PLPPR1: variants seen among roughly 807,000 people sequenced by gnomAD.
The protein encoded by PLPPR1 is phospholipid phosphatase-related protein type 1.
PLPPR1 carries 10 observed loss-of-function variants against 33.1 expected under a neutral mutation model. The ratio of observed to expected loss-of-function variants is 0.30; its 90% CI spans 0.19 to 0.51. The LOEUF (loss-of-function observed/expected upper bound fraction) is 0.51. PLPPR1 is among the 20% of genes least tolerant of loss of function. PLPPR1 has a pLI of 0.97. For missense variants in PLPPR1, 304 were observed against 408.1 expected, an observed-to-expected ratio of 0.74 and a Z score of 2.20; for synonymous variants, 151 against 151.0, an observed-to-expected ratio of 1.00 and a Z score of 0.00.
intron 3 of PLPPR1, among the ~76,000 whole-genome samples, chr9:101,276,668 G>A (rs1050386586): frequency 6.6e-6 from 1 of 152,086 alleles, no homozygotes; most frequent in Non-Finnish European, 1.5e-5. Flanking sequence ...TGTATTCACT[G>A]TTCAGATAAA....
chr9:101,313,146 C>T (rs1171942794), intron 6 of PLPPR1, among the ~76,000 whole-genome samples, 172 bp downstream of exon 6: 2 of 152,152 alleles, frequency 1.3e-5, no homozygotes, highest in African/African-American at 2.4e-5. Context: ...TCAAAACACT[C>T]TTTCCTTTCA....
At chr9:101,123,881 A>G (rs960199190) in intron 1 of PLPPR1, among the ~76,000 whole-genome samples, 12 of 152,132 alleles carry the variant, frequency 7.9e-5, no homozygotes, top group African/African-American at 2.7e-4. Context: ...CCTTTAGCAC[A>G]GAGCTTGGTG....
chr9:101,035,197 G>A (rs1172769367), intron 1 of PLPPR1, among the ~76,000 whole-genome samples: 1 of 152,120 alleles, frequency 6.6e-6, no homozygotes, highest in East Asian at 1.9e-4. Context: ...CATTCCGTAG[G>A]AAATTAAATG....
intron 3 of PLPPR1, among the ~76,000 whole-genome samples, chr9:101,272,635 A>G (rs1383764761): frequency 6.6e-6 from 1 of 152,194 alleles, no homozygotes; most frequent in Non-Finnish European, 1.5e-5. Context: ...ATGAGAGAGG[A>G]CAAGAATAGA....
At chr9:101,300,356 ATTT>A (rs1444496427) in intron 4 of PLPPR1, among the ~76,000 whole-genome samples, 4 of 151,888 alleles carry the variant, frequency 2.6e-5, no homozygotes, top group Non-Finnish European at 5.9e-5. Context: ...AATTATTATT[ATTT>A]GCAGAGACAG....
chr9:101,303,958 G>C (rs1002388338), intron 4 of PLPPR1, among the ~76,000 whole-genome samples: 1 of 152,148 alleles, frequency 6.6e-6, no homozygotes, highest in African/African-American at 2.4e-5. Context: ...ATCATGACTT[G>C]AGTTTCTTGT....
At chr9:101,180,680 C>G (rs1826095461) in intron 1 of PLPPR1, among the ~76,000 whole-genome samples, 1 of 151,576 alleles carries the variant, frequency 6.6e-6, no homozygotes, top group South Asian at 2.1e-4. Context: ...AAAACTGGAT[C>G]TACACAAGCA....
intron 1 of PLPPR1, among the ~76,000 whole-genome samples, chr9:101,150,006 ATTTC>A (rs942011589): frequency 1.3e-5 from 2 of 151,822 alleles, no homozygotes; most frequent in African/African-American, 4.8e-5. Context: ...GTTTTATGTC[ATTTC>A]TTTAAGCCTC....
At chr9:101,314,735 C>G (rs1268990352) in intron 6 of PLPPR1, among the ~76,000 whole-genome samples, 1 of 137,920 alleles carries the variant, frequency 7.3e-6, no homozygotes, top group Non-Finnish European at 1.5e-5. Flanking sequence ...ACAGTGTTGT[C>G]AAAAAGCTTC....
chr9:101,113,624 GAAAAAAC>G (rs1564148497), intron 1 of PLPPR1, among the ~76,000 whole-genome samples: 12 of 150,928 alleles, frequency 8.0e-5, no homozygotes, highest in Middle Eastern at 6.8e-3. Context: ...AGAAAGAACA[GAAAAAAC>G]AAAAAAACAA....
chr9:101,124,386 A>G (rs1354061724), intron 1 of PLPPR1, among the ~76,000 whole-genome samples: 1 of 152,160 alleles, frequency 6.6e-6, no homozygotes, highest in African/African-American at 2.4e-5. Flanking sequence ...GTCAGAAAGC[A>G]TTGGTCCATT....
chr9:101,127,493 G>A (rs1431583713), intron 1 of PLPPR1, among the ~76,000 whole-genome samples: 2 of 152,216 alleles, frequency 1.3e-5, no homozygotes, highest in Non-Finnish European at 2.9e-5. Context: ...AAGGCACATT[G>A]CATTAAGCAC....
intron 1 of PLPPR1, among the ~76,000 whole-genome samples, chr9:101,078,096 GAGAAGGAGAAGAAGAAGAAGAAGAAGA>G (rs1830562927): frequency 3.6e-5 from 2 of 54,922 alleles, no homozygotes; most frequent in African/African-American, 7.5e-5. Context: ...GGAGGAGAAG[GAGAAGGAGAAGAAGAAGAAGAAGAAGA>G]AGAAGAAGAA....
At chr9:101,296,320 C>G (rs970813458) in intron 4 of PLPPR1, among the ~76,000 whole-genome samples, 89 of 151,600 alleles carry the variant, frequency 5.9e-4, no homozygotes, top group Non-Finnish European at 8.4e-4. Context: ...AGAGGATGTG[C>G]AGAAATAGGA....
chr9:101,123,349 T>C (rs1009102139), intron 1 of PLPPR1, among the ~76,000 whole-genome samples: 2 of 152,142 alleles, frequency 1.3e-5, no homozygotes, highest in African/African-American at 2.4e-5. Context: ...CTGGCCTGTA[T>C]GGGCAACTGT....
intron 4 of PLPPR1, among the ~76,000 whole-genome samples, chr9:101,305,902 A>G (rs1391393332): frequency 6.6e-6 from 1 of 152,150 alleles, no homozygotes; most frequent in South Asian, 2.1e-4. Flanking sequence ...AAGACATCCT[A>G]TCTGAGATCA....
At chr9:101,058,682 C>T (rs773193822) in intron 1 of PLPPR1, among the ~76,000 whole-genome samples, 2 of 151,962 alleles carry the variant, frequency 1.3e-5, no homozygotes, top group Non-Finnish European at 2.9e-5. Flanking sequence ...TTTTCTATGC[C>T]ATCTCTTTTA....
intron 1 of PLPPR1, among the ~76,000 whole-genome samples, chr9:101,162,918 C>T (rs1379011132): frequency 6.6e-6 from 1 of 152,146 alleles, no homozygotes; most frequent in Admixed American, 6.6e-5. Flanking sequence ...ATTTCTCCTC[C>T]AATCTCAAGA....
chr9:101,057,249 C>A (rs1830289288), intron 1 of PLPPR1, among the ~76,000 whole-genome samples: 1 of 151,976 alleles, frequency 6.6e-6, no homozygotes, highest in Non-Finnish European at 1.5e-5. Flanking sequence ...AAAAGTAATC[C>A]AATTTTTTAG....
Sources: gnomAD v4.1 joint callset for allele counts (sites outside exome capture counted in the v4.1 genomes callset) on GRCh38, gnomAD v4.1.1 for gene constraint, MANE v1.5 for transcripts, NCBI Gene and HGNC (gene_info 2026-07-23, HGNC 2026-07-21) for gene names.